Variants in GRIK4 observed in about 807,000 individuals in gnomAD.
GRIK4 encodes glutamate ionotropic receptor kainate type subunit 4, also known as glutamate receptor ionotropic, kainate 4.
A neutral mutation model predicts 104.9 loss-of-function variants in GRIK4; 40 were observed. The ratio of observed to expected loss-of-function variants is 0.38; its 90% CI spans 0.30 to 0.50. The LOEUF (loss-of-function observed/expected upper bound fraction) is 0.50, where lower values mean the gene tolerates loss of function less well. GRIK4 is among the 20% of genes least tolerant of loss of function. The pLI, the probability that GRIK4 is intolerant of heterozygous loss-of-function variation, is 0.93. For missense variants in GRIK4, 1,047 were observed against 1,308.1 expected (o/e 0.80, Z 3.08); for synonymous variants, 485 against 524.9 (o/e 0.92, Z 1.04).
intron 8 of GRIK4, among the ~76,000 whole-genome samples, chr11:120,860,971 A>T (rs1318298526): frequency 6.6e-6 from 1 of 151,914 alleles, no homozygotes; most frequent in Non-Finnish European, 1.5e-5. Context: ...CCTTGTATCC[A>T]GTGTGCTAAC....
intron 3 of GRIK4, among the ~76,000 whole-genome samples, chr11:120,680,224 C>T (rs1452795631): frequency 3.3e-5 from 5 of 152,146 alleles, no homozygotes; most frequent in Admixed American, 2.0e-4. Flanking sequence ...ACTACAGGTG[C>T]GCTCCAGCAT....
chr11:120,729,112 A>G (rs991716419), intron 3 of GRIK4, among the ~76,000 whole-genome samples: 1 of 152,212 alleles, frequency 6.6e-6, no homozygotes, highest in African/African-American at 2.4e-5. Flanking sequence ...TTATGGCTGA[A>G]TAGTACTCCA....
Position 120,528,856 on chromosome 11 carries a change from C to T in GRIK4, c.-159+16969C>T, listed in dbSNP as rs116619731. On this transcript the variant is annotated intron_variant, in intron 1 of 20. Transcript: ENST00000527524. ...ATGACCTCCCACCAGTTTCCTCCCA[C>T]GACACATGGGAACTGTGGGAGTTGC... Among the ~76,000 whole-genome samples, 654 of 152,278 alleles carry T rather than the reference C, an allele frequency of 4.3e-3. 7 individuals carry two copies. Among genetic ancestry groups the T allele is most frequent in the African/African-American group, 0.014 (584 of 41,548 alleles).
chr11:120,782,893 T>TCTA (rs1001668386), intron 3 of GRIK4, among the ~76,000 whole-genome samples: 3 of 152,158 alleles, frequency 2.0e-5, no homozygotes, highest in African/African-American at 7.2e-5. Context: ...GCTACTGGCA[T>TCTA]CTACTGCATC....
chr11:120,785,229 G>A (rs953732546), intron 3 of GRIK4, among the ~76,000 whole-genome samples: 2 of 152,204 alleles, frequency 1.3e-5, no homozygotes, highest in African/African-American at 4.8e-5. Context: ...CCCGGGCACT[G>A]AACTGCCACA....
At chr11:120,971,467 C>T (rs374579969) in intron 19 of GRIK4, among the ~76,000 whole-genome samples, 1 of 152,314 alleles carries the variant, frequency 6.6e-6, no homozygotes, top group East Asian at 1.9e-4. Context: ...TCCTTTCAAA[C>T]GGGTGCCCAG....
chr11:120,781,861 T>C (rs1429763114), intron 3 of GRIK4, among the ~76,000 whole-genome samples: 1 of 152,212 alleles, frequency 6.6e-6, no homozygotes, highest in Non-Finnish European at 1.5e-5. Flanking sequence ...CTTGAGGCCA[T>C]GTGACAACCT....
chr11:120,838,694 G>T (rs753137432), intron 8 of GRIK4, among the ~76,000 whole-genome samples: 1 of 152,202 alleles, frequency 6.6e-6, no homozygotes, highest in East Asian at 1.9e-4. Context: ...TAGGAGTAAA[G>T]AAACTGTTTT....
At chr11:120,729,235 A>G (rs1320214262) in intron 3 of GRIK4, among the ~76,000 whole-genome samples, 1 of 152,224 alleles carries the variant, frequency 6.6e-6, no homozygotes, top group East Asian at 1.9e-4. Flanking sequence ...GAGTGCAGAT[A>G]TCTCTTTGAT....
intron 19 of GRIK4, among the ~76,000 whole-genome samples, chr11:120,968,562 T>C (rs1944422477): frequency 6.6e-6 from 1 of 152,220 alleles, no homozygotes; most frequent in Admixed American, 6.5e-5. Context: ...TGGATCTCTA[T>C]CTTGCAAGAA....
chr11:120,605,155 A>G (rs544342591), intron 1 of GRIK4, among the ~76,000 whole-genome samples: 1 of 152,324 alleles, frequency 6.6e-6, no homozygotes, highest in African/African-American at 2.4e-5. Context: ...TGAATTTTAA[A>G]AAACTTTCCA....
chr11:120,777,734 C>T (rs748994469), intron 3 of GRIK4, among the ~76,000 whole-genome samples: 8 of 152,080 alleles, frequency 5.3e-5, no homozygotes, highest in African/African-American at 1.4e-4. Flanking sequence ...GTCAGAAGTT[C>T]GAGACCAGCC....
chr11:120,858,307 T>C (rs996487975), intron 8 of GRIK4: 3 of 152,144 alleles, frequency 2.0e-5, no homozygotes, highest in Non-Finnish European at 4.4e-5. Context: ...ATTCCTGAAA[T>C]GTGTTCGTTT....
At chr11:120,856,702 C>T (rs1229180515) in intron 8 of GRIK4, among the ~76,000 whole-genome samples, 1 of 152,170 alleles carries the variant, frequency 6.6e-6, no homozygotes, top group Non-Finnish European at 1.5e-5. Context: ...CCCCTGCTTA[C>T]CCATTTGACC....
intron 3 of GRIK4, among the ~76,000 whole-genome samples, chr11:120,681,221 GT>G (rs1238628309): frequency 6.6e-6 from 1 of 152,208 alleles, no homozygotes; most frequent in East Asian, 1.9e-4. Flanking sequence ...AGGGCCTGGG[GT>G]AAGGGGCCAG....
At chr11:120,627,591 T>A (rs1949277763) in intron 1 of GRIK4, among the ~76,000 whole-genome samples, 1 of 152,142 alleles carries the variant, frequency 6.6e-6, no homozygotes, top group South Asian at 2.1e-4. Flanking sequence ...CTGGAGACAG[T>A]GGTTTCCTGG....
At chr11:120,536,414 T>C (rs1947975304) in intron 1 of GRIK4, among the ~76,000 whole-genome samples, 1 of 152,162 alleles carries the variant, frequency 6.6e-6, no homozygotes, top group Admixed American at 6.5e-5. Context: ...ATGGTGTCTG[T>C]ACAGAAAAGG....
chr11:120,749,691 G>A (rs1272142594), intron 3 of GRIK4, among the ~76,000 whole-genome samples: 2 of 152,162 alleles, frequency 1.3e-5, no homozygotes, highest in Non-Finnish European at 2.9e-5. Context: ...TAATGCCAGC[G>A]CTGCTTTGTG....
At chr11:120,831,516 G>C (rs1953426535) in intron 6 of GRIK4, among the ~76,000 whole-genome samples, 2 of 152,200 alleles carry the variant, frequency 1.3e-5, no homozygotes, top group Admixed American at 1.3e-4. Flanking sequence ...CTTGGTCTCT[G>C]TGCATCCTAT....
Sources: gnomAD v4.1 joint callset for allele counts (sites outside exome capture counted in the v4.1 genomes callset) on GRCh38, gnomAD v4.1.1 for gene constraint, MANE v1.5 for transcripts, NCBI Gene and HGNC (gene_info 2026-07-23, HGNC 2026-07-21) for gene names.